SMYD1: variants seen among roughly 807,000 people sequenced by gnomAD.
The protein encoded by SMYD1 is SET and MYND domain containing 1.
SMYD1 carries 49 observed loss-of-function variants against 54.0 expected under a neutral mutation model. The ratio of observed to expected loss-of-function variants is 0.91; its 90% CI spans 0.72 to 1.15. The LOEUF is 1.15. Among genes scored for constraint, SMYD1 ranks in the 50% most tolerant of loss-of-function variants. The pLI, the probability that SMYD1 is intolerant of heterozygous loss-of-function variation, is 0.00. For synonymous variants in SMYD1, 269 were observed against 234.2 expected, an observed-to-expected ratio of 1.15 and a Z score of -1.36; for missense variants, 653 against 639.6, an observed-to-expected ratio of 1.02 and a Z score of -0.23.
intron 1 of SMYD1, among the ~76,000 whole-genome samples, chr2:88,073,652 G>T (rs976989345): frequency 6.6e-6 from 1 of 152,114 alleles, no homozygotes; most frequent in African/African-American, 2.4e-5. Flanking sequence ...TAAGGCTTTT[G>T]ATATAGATTT....
intron 1 of SMYD1, among the ~76,000 whole-genome samples, chr2:88,076,262 T>C (rs180854948): frequency 6.6e-6 from 1 of 152,326 alleles, no homozygotes; most frequent in Non-Finnish European, 1.5e-5. Context: ...TCGCCCAGGC[T>C]GGAGTGCAGT....
intron 3 of SMYD1, among the ~76,000 whole-genome samples, chr2:88,089,080 G>A (rs1047385013): frequency 6.6e-6 from 1 of 152,210 alleles, no homozygotes; most frequent in African/African-American, 2.4e-5. Flanking sequence ...CGCAATGGTG[G>A]AGGCTTGGTA....
Position 88,068,016 on chromosome 2 carries a change from G to A in SMYD1, c.137+15G>A. ...GTTTTTGACAGGTATGAAATGTGGG[G>A]AGTTGCCTTCTCTCCTGTTAGTTTG... On this transcript the variant is annotated intron_variant, in intron 1 of 9. Transcript: ENST00000419482. 6.2e-7 allele frequency: 1 copy of A among 1,607,820 alleles called. No individual in the cohort carries two copies.
In SMYD1 at chr2:88,110,506, G is replaced by A; in HGVS notation, c.1467G>A (p.Lys489=). The A allele has an allele frequency of 6.3e-7, 1 of 1,578,890 alleles. No individual in the cohort carries two copies. Among genetic ancestry groups the A allele is most frequent in the Non-Finnish European group, 8.6e-7 (1 of 1,161,378 alleles). ...NEPSPALFHK[K]Q ...CATCCCCAGCTCTGTTCCACAAGAA[G>A]CAATGAGGACTGCCCAGTGGAGGAG... Residue 489 remains lysine (K), a synonymous_variant, in exon 10 of 10, where the codon AAG becomes AAA. Coordinates refer to ENST00000419482, the MANE Select transcript of SMYD1 (RefSeq NM_198274.4).
chr2:88,077,564 T>C (rs1674095326), intron 1 of SMYD1, among the ~76,000 whole-genome samples: 1 of 152,136 alleles, frequency 6.6e-6, no homozygotes, highest in South Asian at 2.1e-4. Flanking sequence ...AATAGGAATG[T>C]AAGACTCGGG....
At chr2:88,078,949 CA>C (rs1426803898) in intron 1 of SMYD1, among the ~76,000 whole-genome samples, 2 of 152,204 alleles carry the variant, frequency 1.3e-5, no homozygotes, top group East Asian at 3.9e-4. Context: ...TAGGCCCTAG[CA>C]AAATTACAGA....
chr2:88,099,490 C>T (rs1242311493), intron 6 of SMYD1, among the ~76,000 whole-genome samples: 3 of 151,908 alleles, frequency 2.0e-5, no homozygotes, highest in Admixed American at 2.0e-4. Flanking sequence ...TTCTGGAGGC[C>T]GAGGCAGGCA....
At chr2:88,099,350 T>G (rs1305487550) in intron 6 of SMYD1, among the ~76,000 whole-genome samples, 1 of 152,128 alleles carries the variant, frequency 6.6e-6, no homozygotes, top group East Asian at 1.9e-4. Context: ...CCTCTTGAAG[T>G]GCCGGGATTA....
At chr2:88,088,661 T>A (rs1413175539) in intron 3 of SMYD1, among the ~76,000 whole-genome samples, 1 of 152,124 alleles carries the variant, frequency 6.6e-6, no homozygotes, top group Admixed American at 6.5e-5. Context: ...ACTTTTTACA[T>A]TTTTTTCCTC....
rs1674452052 is a variant in SMYD1 at position 88,091,098 on chromosome 2, C to A, written c.615C>A (p.Asn205Lys). The A allele has an allele frequency of 1.9e-6, 3 of 1,614,146 alleles. No individual in the cohort carries two copies. The highest frequency in any genetic ancestry group is 2.5e-6 in the Non-Finnish European group (3 of 1,180,012). ...TCTTCCCCAACCTGGGCCTGGTGAACCATGACTGTTGGCCCAACTGTACTG... is the reference window on the plus strand; with the variant it reads ...TCTTCCCCAACCTGGGCCTGGTGAAACATGACTGTTGGCCCAACTGTACTG... ...VGIFPNLGLVNHDCWPNCTVI... is the reference protein window; with the variant it reads ...VGIFPNLGLVKHDCWPNCTVI... Residue 205 changes from asparagine to lysine, a missense_variant, in exon 4 of 10, where the codon AAC becomes AAA. Transcript: ENST00000419482.
chr2:88,110,797 G>C lies in SMYD1; in HGVS notation c.*285G>C. 1 of 348,732 alleles carries C rather than the reference G, an allele frequency of 2.9e-6. No individual in the cohort carries two copies. Among genetic ancestry groups the C allele is most frequent in the South Asian group, 7.5e-5 (1 of 13,390 alleles). 21.6% of individuals were successfully genotyped at this position (348,732 alleles called of 1,614,324 possible). On this transcript the variant is annotated 3_prime_UTR_variant, in exon 10 of 10. Coordinates refer to ENST00000419482, the MANE Select transcript of SMYD1 (RefSeq NM_198274.4). ...GCTCCAAATGTCGTTGGGTGGGGAA[G>C]CAAAATGTAGAGAAACATTTAAAGC...
chr2:88,099,814 C>G (rs1423086113), intron 6 of SMYD1, among the ~76,000 whole-genome samples: 30 of 151,816 alleles, frequency 2.0e-4, no homozygotes, highest in Admixed American at 2.0e-3. Flanking sequence ...ACCCCTTCTC[C>G]TTCCTCTTTG....
At chr2:88,107,053 TAGTC>T (rs201862307) in intron 8 of SMYD1, among the ~76,000 whole-genome samples, 4,860 of 151,836 alleles carry the variant, frequency 0.032, 265 homozygotes, top group African/African-American at 0.11. Context: ...TACAAAAAAT[TAGTC>T]AGGCATGGTG....
chr2:88,086,844 T>A (rs577868908), intron 2 of SMYD1, among the ~76,000 whole-genome samples: 10 of 151,916 alleles, frequency 6.6e-5, no homozygotes, highest in South Asian at 2.1e-4. Flanking sequence ...TTTTTTTTTT[T>A]TTATTATACT....
Position 88,071,735 on chromosome 2 carries a change from T to G in SMYD1, c.137+3734T>G, listed in dbSNP as rs529687876. ...GGAGTGAAGTACCGTTACCAAGGGG[T>G]TGCCTTTTTTGGACACAGTATTTTA... On this transcript the variant is annotated intron_variant, in intron 1 of 9. Transcript: ENST00000419482. Among the ~76,000 whole-genome samples, 39 of 152,184 alleles carry G rather than the reference T, an allele frequency of 2.6e-4. No homozygotes were observed. In the South Asian group the frequency reaches 5.2e-3, roughly 20 times the overall value.
chr2:88,106,231 A>G, intron 7 of SMYD1, 94 bp from the exon 8 acceptor site: 8 of 1,505,546 alleles, frequency 5.3e-6, no homozygotes, highest in Non-Finnish European at 7.2e-6. Context: ...TCTTAAAAAG[A>G]ATGATTGTCT....
Position 88,112,589 on chromosome 2 carries a change from T to C in SMYD1, c.*2077T>C. The stretch of plus-strand genomic sequence containing the variant: ...CATGACTGAGTTTTTTTTAGTTGTA[T>C]AGTTATCATCTGCCTTTCTTCACTT... On this transcript the variant is annotated 3_prime_UTR_variant, in exon 10 of 10. Coordinates refer to ENST00000419482, the MANE Select transcript of SMYD1 (RefSeq NM_198274.4). 1 of 166,570 alleles carries C rather than the reference T, an allele frequency of 6.0e-6. No homozygotes were observed. Among genetic ancestry groups the C allele is most frequent in the Non-Finnish European group, 1.3e-5 (1 of 76,296 alleles). The allele number at this position is 166,570 out of a possible 1,614,324, so 10.3% of individuals were successfully genotyped here.
At chr2:88,083,574 C>T (rs1040962821) in intron 1 of SMYD1, among the ~76,000 whole-genome samples, 28 of 152,146 alleles carry the variant, frequency 1.8e-4, no homozygotes, top group African/African-American at 6.5e-4. Flanking sequence ...CTTACTGTTG[C>T]AAAATGCACA....
chr2:88,095,339 T>G (rs1674558892), intron 5 of SMYD1, among the ~76,000 whole-genome samples: 1 of 152,194 alleles, frequency 6.6e-6, no homozygotes, highest in African/African-American at 2.4e-5. Context: ...TTTATACATA[T>G]TATCACATTA....
Sources: allele counts gnomAD v4.1 joint callset (sites outside exome capture counted in the v4.1 genomes callset), GRCh38; gene constraint gnomAD v4.1.1; transcripts MANE v1.5; gene names NCBI Gene and HGNC (gene_info 2026-07-23, HGNC 2026-07-21).